The following JAG1 variants were observed in gnomAD, a reference collection of about 807,000 sequenced individuals.
JAG1 encodes the protein protein jagged-1.
Under a neutral mutation model 148.7 loss-of-function variants are expected in JAG1, and 23 were observed. The ratio of observed to expected loss-of-function variants is 0.15; its 90% CI spans 0.11 to 0.22. JAG1 has a LOEUF of 0.22. Among genes scored for constraint, JAG1 ranks in the 10% least tolerant of loss-of-function variants. The pLI, the probability that JAG1 is intolerant of heterozygous loss-of-function variation, is 1.00. For missense variants in JAG1, 1,054 were observed against 1,611.2 expected (o/e 0.65, Z 5.92); for synonymous variants, 572 against 598.3 (o/e 0.96, Z 0.64).
rs56122797 is a variant in JAG1 at position 10,669,547 on chromosome 20, C to CAAAAAAAAAAA, written c.387+3143_387+3153dup. ...AAGAATCACGTTTCATTGGATTTTC[C>CAAAAAAAAAAA]AAAAAAAAAAAAAAAAAAAAAAAAA... On this transcript the variant is annotated intron_variant, in intron 2 of 25. Transcript: ENST00000254958. 1.7e-3 allele frequency among the ~76,000 whole-genome samples: 74 copies of CAAAAAAAAAAA among 44,186 alleles called. 22 individuals carry two copies. Among genetic ancestry groups the CAAAAAAAAAAA allele is most frequent in the Non-Finnish European group, 2.0e-3 (45 of 22,446 alleles). 29.0% of individuals were successfully genotyped at this position (44,186 alleles called of 152,430 possible).
At chr20:10,648,262 G>T in intron 12 of JAG1, 152 bp from the exon 13 acceptor site, 1 of 966,106 alleles carries the variant, frequency 1.0e-6, no homozygotes, top group South Asian at 1.4e-5. Context: ...ATGCTGTAGG[G>T]ACTGCCAATG....
Position 10,639,355 on chromosome 20 carries a change from T to C in JAG1, c.*143A>G, listed in dbSNP as rs113529940. The C allele has an allele frequency of 2.3e-5, 19 of 814,966 alleles. No individual in the cohort carries two copies. The highest frequency in any genetic ancestry group is 3.9e-5 in the Non-Finnish European group (18 of 463,550). The allele number at this position is 814,966 out of a possible 1,614,324, so 50.5% of individuals were successfully genotyped here. On this transcript the variant is annotated 3_prime_UTR_variant, in exon 26 of 26. Transcript: ENST00000254958. ...CCCAGCCAACCACAGAAACTACCAT[T>C]GCCAGTGTAAGCCAGCTTGTCAAAA...
intron 25 of JAG1, 83 bp from the exon 26 acceptor site, chr20:10,640,038 T>A (rs1332790031): frequency 7.4e-6 from 8 of 1,084,658 alleles, no homozygotes; most frequent in Non-Finnish European, 1.1e-5. Context: ...ATACCAACAG[T>A]GGTTCTCCTG....
At chr20:10,648,894 T>C in intron 11 of JAG1, 167 bp downstream of exon 11, 1 of 871,472 alleles carries the variant, frequency 1.1e-6, no homozygotes. Context: ...GCCTTCAAAA[T>C]GACTCCCACG....
At chr20:10,663,841 A>G (rs2067433455) in intron 3 of JAG1, 122 bp downstream of exon 3, 1 of 797,394 alleles carries the variant, frequency 1.3e-6, no homozygotes, top group African/African-American at 1.7e-5. Flanking sequence ...TACAGGGGAG[A>G]ACAGAAGGCA....
chr20:10,659,926 G>A (rs920195848), intron 3 of JAG1, among the ~76,000 whole-genome samples: 3 of 152,088 alleles, frequency 2.0e-5, no homozygotes. Flanking sequence ...TTCAGGGGAG[G>A]GATCTGAAAA....
chr20:10,648,072 G>C lies in JAG1; in HGVS notation c.1608C>G (p.Asn536Lys), dbSNP rs200648453. The C allele has an allele frequency of 6.2e-7, 1 of 1,614,150 alleles. No homozygotes were observed. The highest frequency in any genetic ancestry group is 8.5e-7 in the Non-Finnish European group (1 of 1,180,020). The change falls in exon 13 of 26, where the codon AAC becomes AAG. Residue 536 changes from asparagine to lysine, a missense_variant. Transcript: ENST00000254958. Reference protein sequence around the residue: ...IDYCEPNPCQNGAQCYNRASD... With the variant: ...IDYCEPNPCQKGAQCYNRASD... ...TGGCACGGTTGTAGCACTGGGCACCGTTCTGGCAGGGATTAGGCTCACAAT... is the reference window on the plus strand; with the variant it reads ...TGGCACGGTTGTAGCACTGGGCACCCTTCTGGCAGGGATTAGGCTCACAAT...
intron 9 of JAG1, 180 bp from the exon 10 acceptor site, chr20:10,649,815 A>G (rs1245227923): frequency 1.6e-6 from 1 of 634,152 alleles, no homozygotes; most frequent in Admixed American, 2.6e-5. Flanking sequence ...CCTAGCTATT[A>G]TCCAATAAGA....
At chr20:10,666,799 C>T (rs971868379) in intron 2 of JAG1, among the ~76,000 whole-genome samples, 1 of 152,194 alleles carries the variant, frequency 6.6e-6, no homozygotes, top group South Asian at 2.1e-4. Flanking sequence ...GAATGGTCAG[C>T]CTTCGGAATT....
chr20:10,644,276 T>TCA lies in JAG1; in HGVS notation c.2372+79_2372+80dup, dbSNP rs33967297. The TCA allele has an allele frequency of 0.084, 73,512 of 877,940 alleles. 1,016 individuals carry two copies. The highest frequency in any genetic ancestry group is 0.16 in the East Asian group (6,235 of 38,390). The allele number at this position is 877,940 out of a possible 1,614,324, so 54.4% of individuals were successfully genotyped here. A position where few individuals can be genotyped will look rare whatever the true frequency, so the allele number is the denominator to read the frequency against. The stretch of plus-strand genomic sequence containing the variant: ...TTTAAACACAATCCCTGGGTGATTC[T>TCA]CACACACACACACACACACACACAC... On this transcript the variant is annotated intron_variant, in intron 19 of 25. Coordinates refer to ENST00000254958, the MANE Select transcript of JAG1 (RefSeq NM_000214.3).
rs2067360064 is a variant in JAG1 at position 10,653,574 on chromosome 20, T to C, written c.756-976A>G. Among the ~76,000 whole-genome samples the C allele has an allele frequency of 2.2e-4, 5 of 23,218 alleles. No individual in the cohort carries two copies. The Admixed American group carries it at 3.0e-3, about 14-fold the overall frequency. The allele number at this position is 23,218 out of a possible 152,430, so 15.2% of individuals were successfully genotyped here. A position where few individuals can be genotyped will look rare whatever the true frequency, so the allele number is the denominator to read the frequency against. ...CATCAACTAGCCTCCCGGTGGAGCG[T>C]GGAGGGTGGAGGGTGGAGGGTGGGG... is the stretch of plus-strand genomic sequence containing the variant. On this transcript the variant is annotated intron_variant, in intron 5 of 25. Coordinates refer to ENST00000254958, the MANE Select transcript of JAG1 (RefSeq NM_000214.3).
intron 5 of JAG1, among the ~76,000 whole-genome samples, chr20:10,653,276 GA>G (rs534278818): frequency 1.6e-3 from 222 of 139,086 alleles, no homozygotes; most frequent in African/African-American, 5.5e-3. Flanking sequence ...GCCAAGAAAA[GA>G]AAAAAAAAAG....
At chr20:10,661,988 G>C (rs1035323624) in intron 3 of JAG1, among the ~76,000 whole-genome samples, 3 of 152,212 alleles carry the variant, frequency 2.0e-5, no homozygotes, top group Non-Finnish European at 4.4e-5. Flanking sequence ...CCCAGAAGGG[G>C]CCCTGGGAAG....
chr20:10,649,774 T>A, intron 9 of JAG1, 139 bp from the exon 10 acceptor site: 1 of 687,426 alleles, frequency 1.5e-6, no homozygotes, highest in South Asian at 1.6e-5. Context: ...ATACTAGAGG[T>A]TCCCTCTATT....
At chr20:10,663,870 A>G (rs528274785) in intron 3 of JAG1, 93 bp downstream of exon 3, 12 of 948,292 alleles carry the variant, frequency 1.3e-5, no homozygotes, top group African/African-American at 1.1e-4. Context: ...CAGAAATGCT[A>G]AGTACTAAGG....
At chr20:10,671,852 G>A (rs1259635135) in intron 2 of JAG1, among the ~76,000 whole-genome samples, 1 of 152,180 alleles carries the variant, frequency 6.6e-6, no homozygotes, top group African/African-American at 2.4e-5. Flanking sequence ...GCGGAATGGG[G>A]CGGGGGGATG....
intron 12 of JAG1, 106 bp from the exon 13 acceptor site, chr20:10,648,216 G>T: frequency 7.5e-7 from 1 of 1,333,288 alleles, no homozygotes; most frequent in Non-Finnish European, 1.1e-6. Flanking sequence ...AGTTCCTTCG[G>T]TTTCTATTAG....
chr20:10,667,854 C>T (rs910575509), intron 2 of JAG1, among the ~76,000 whole-genome samples: 6 of 152,124 alleles, frequency 3.9e-5, no homozygotes, highest in African/African-American at 1.2e-4. Flanking sequence ...AAAAGGGTGG[C>T]GAGGTTAATA....
chr20:10,649,046 CAA>C lies in JAG1; in HGVS notation c.1395+13_1395+14del. On this transcript the variant is annotated intron_variant, in intron 11 of 25. Coordinates refer to ENST00000254958, the MANE Select transcript of JAG1 (RefSeq NM_000214.3). Reference sequence around the variant, plus strand: ...TCAATTGTCAAAGTTTTGATTTAAGCAAAGATTTACATACCCGACAGGAGGCG... The same window carrying C: ...TCAATTGTCAAAGTTTTGATTTAAGCAGATTTACATACCCGACAGGAGGCG... The C allele has an allele frequency of 6.3e-7, 1 of 1,599,430 alleles. No individual in the cohort carries two copies. Among genetic ancestry groups the C allele is most frequent in the African/African-American group, 1.3e-5 (1 of 74,732 alleles).
Sources: allele counts gnomAD v4.1 joint callset (sites outside exome capture counted in the v4.1 genomes callset), GRCh38; gene constraint gnomAD v4.1.1; transcripts MANE v1.5; gene names NCBI Gene and HGNC (gene_info 2026-07-23, HGNC 2026-07-21).